Variants in MAST4 observed in about 807,000 individuals in gnomAD.
The protein encoded by MAST4 is microtubule-associated serine/threonine-protein kinase 4.
Under a neutral mutation model 162.7 loss-of-function variants are expected in MAST4, and 89 were observed. The observed-to-expected ratio is 0.55, with a 90% CI of 0.46 to 0.65. The LOEUF is 0.65. Among genes scored for constraint, MAST4 ranks in the 30% least tolerant of loss-of-function variants. The pLI, the probability that MAST4 is intolerant of heterozygous loss-of-function variation, is 0.00. For missense variants in MAST4, 3,153 were observed against 3,374.0 expected, an observed-to-expected ratio of 0.93 and a Z score of 1.62; for synonymous variants, 1,479 against 1,361.1, an observed-to-expected ratio of 1.09 and a Z score of -1.91.
intron 4 of MAST4, among the ~76,000 whole-genome samples, chr5:66,922,754 G>A (rs1384229227): frequency 6.6e-6 from 1 of 152,124 alleles, no homozygotes; most frequent in Non-Finnish European, 1.5e-5. Context: ...TATAATTGCA[G>A]TTGAATTCAG....
chr5:67,131,727 T>C lies in MAST4; in HGVS notation c.1955-86T>C, dbSNP rs1007069483. The C allele has an allele frequency of 4.3e-6, 6 of 1,386,554 alleles. No individual in the cohort carries two copies. The African/African-American group carries it at 5.7e-5, about 13-fold the overall frequency. The allele number at this position is 1,386,554 out of a possible 1,614,324, so 85.9% of individuals were successfully genotyped here. On this transcript the variant is annotated intron_variant, in intron 15 of 28. Coordinates refer to ENST00000403625, the MANE Select transcript of MAST4 (RefSeq NM_001164664.2). ...ATGCTGTGTCTATGGGTAGAGATGA[T>C]TTCACCTTGAAATTCTGCAGTCTAA...
chr5:66,634,419 G>A (rs763502883), intron 1 of MAST4, among the ~76,000 whole-genome samples: 9 of 152,088 alleles, frequency 5.9e-5, no homozygotes, highest in Admixed American at 3.9e-4. Flanking sequence ...TCTTCTTCAC[G>A]TTGTCCATGA....
rs1753763050 is a variant in MAST4 at position 66,759,986 on chromosome 5, A to G, written c.517+124A>G. On this transcript the variant is annotated intron_variant, in intron 2 of 28. Coordinates refer to ENST00000403625, the MANE Select transcript of MAST4 (RefSeq NM_001164664.2). ...GGCCTGCCTCTGCAGACCATTTCAT[A>G]AAAATCTTATCTAATCCAGAAAGCA... The G allele has an allele frequency of 6.2e-6, 6 of 964,958 alleles. No individual in the cohort carries two copies. In the South Asian group the frequency reaches 1.9e-4, roughly 31 times the overall value. The allele number at this position is 964,958 out of a possible 1,614,324, so 59.8% of individuals were successfully genotyped here.
chr5:66,998,144 T>G (rs1294560758), intron 4 of MAST4, among the ~76,000 whole-genome samples: 1 of 152,238 alleles, frequency 6.6e-6, no homozygotes, highest in Non-Finnish European at 1.5e-5. Context: ...GGTCTTAGTG[T>G]CAGCTACGAA....
At chr5:67,151,413 G>A (rs1771790832) in intron 24 of MAST4, among the ~76,000 whole-genome samples, 1 of 152,110 alleles carries the variant, frequency 6.6e-6, no homozygotes, top group African/African-American at 2.4e-5. Context: ...CATTTATGAG[G>A]GGCAGAGCCC....
intron 26 of MAST4, among the ~76,000 whole-genome samples, chr5:67,155,319 T>C (rs567130839): frequency 1.3e-5 from 2 of 152,340 alleles, no homozygotes; most frequent in African/African-American, 4.8e-5. Context: ...CCACTGGCTA[T>C]ATGAATCCCT....
intron 4 of MAST4, among the ~76,000 whole-genome samples, chr5:66,985,565 A>G (rs920321493): frequency 2.0e-5 from 3 of 152,148 alleles, no homozygotes; most frequent in African/African-American, 4.8e-5. Flanking sequence ...GTAGGCCTGG[A>G]ATGATTTTAT....
chr5:66,836,005 A>G (rs561953909), intron 3 of MAST4, among the ~76,000 whole-genome samples: 1 of 152,082 alleles, frequency 6.6e-6, no homozygotes, highest in Admixed American at 6.6e-5. Context: ...ACTTGTCTCT[A>G]TAAAAAAATA....
chr5:66,870,582 A>G (rs143544389), intron 3 of MAST4, among the ~76,000 whole-genome samples: 1 of 147,968 alleles, frequency 6.8e-6, no homozygotes, highest in East Asian at 2.1e-4. Flanking sequence ...GTTTATAATA[A>G]AATAACTTGC....
chr5:66,656,284 A>AATATAAT (rs1365535870), intron 1 of MAST4, among the ~76,000 whole-genome samples: 3 of 152,244 alleles, frequency 2.0e-5, no homozygotes, highest in Non-Finnish European at 4.4e-5. Context: ...GAAATAATAT[A>AATATAAT]AATGTTGTCT....
intron 1 of MAST4, among the ~76,000 whole-genome samples, chr5:66,610,055 A>G (rs747524439): frequency 6.6e-6 from 1 of 151,968 alleles, no homozygotes; most frequent in Non-Finnish European, 1.5e-5. Context: ...TTTTTGCCAA[A>G]GGGCAAAAAC....
At chr5:67,115,804 C>T in intron 12 of MAST4, among the ~76,000 whole-genome samples, 1 of 152,042 alleles carries the variant, frequency 6.6e-6, no homozygotes, top group East Asian at 1.9e-4. Context: ...CCACTGCTTA[C>T]AAATAATATG....
rs150801654 is a variant in MAST4 at position 67,127,533 on chromosome 5, C to T, written c.1746-2677C>T. On this transcript the variant is annotated intron_variant, in intron 14 of 28. Transcript: ENST00000403625. ...TTGGTTCTGTTTTGGTGATGGATTACGTTTATTGATTTGCATATGTTGAAC... is the reference window on the plus strand; with the variant it reads ...TTGGTTCTGTTTTGGTGATGGATTATGTTTATTGATTTGCATATGTTGAAC... 3.5e-3 allele frequency among the ~76,000 whole-genome samples: 531 copies of T among 152,168 alleles called. 6 individuals carry two copies. The highest frequency in any genetic ancestry group is 0.012 in the African/African-American group (503 of 41,522).
At chr5:66,915,568 T>C (rs1764059508) in intron 4 of MAST4, among the ~76,000 whole-genome samples, 1 of 152,264 alleles carries the variant, frequency 6.6e-6, no homozygotes, top group Admixed American at 6.5e-5. Context: ...CATGGCATTG[T>C]CCATAGATGA....
rs183526443 is a variant in MAST4 at position 67,151,211 on chromosome 5, T to C, written c.3296-1426T>C. 2.6e-5 allele frequency among the ~76,000 whole-genome samples: 4 copies of C among 152,322 alleles called. No homozygotes were observed. In the East Asian group the frequency reaches 5.8e-4, roughly 22 times the overall value. On this transcript the variant is annotated intron_variant, in intron 24 of 28. Transcript: ENST00000403625. ...TTTCTGCTGCTATAACAAAATACTT[T>C]AGACTGGGTAAGGTATAAATAACAG...
rs376616827 is a variant in MAST4, at chr5:67,164,677, G to A, written c.5498G>A (p.Gly1833Asp). ...PESAQSPSPS[G>D]DVRASVPPVL... ...TCTGCACAGAGCCCCAGCCCAAGTGGTGACGTGAGGGCCTCTGTGCCACCA... is the reference window on the plus strand; with the variant it reads ...TCTGCACAGAGCCCCAGCCCAAGTGATGACGTGAGGGCCTCTGTGCCACCA... The change falls in exon 29 of 29, where the codon GGT becomes GAT. Residue 1833 changes from glycine (G) to aspartate (D), a missense_variant. Transcript: ENST00000403625. The surrounding 1 kb of genome is among the most constrained non-coding windows in gnomAD (Gnocchi z 5.3). 130 of 1,613,890 alleles carry A rather than the reference G, an allele frequency of 8.1e-5. No homozygotes were observed. The African/African-American group carries it at 1.2e-3, about 15-fold the overall frequency.
At position 66,879,711 on chromosome 5, in the gene MAST4, C is replaced by T. The variant is rs75799485; in HGVS notation, c.643-20240C>T. The stretch of plus-strand genomic sequence containing the variant: ...TATTTTTTGTAGAGATGGGATTTCG[C>T]GATGACGCCCAGGCTGGTCTCAAAC... On this transcript the variant is annotated intron_variant, in intron 3 of 28. Transcript: ENST00000403625. 9.2e-5 allele frequency among the ~76,000 whole-genome samples: 14 copies of T among 152,296 alleles called. No homozygotes were observed. In the East Asian group the frequency reaches 1.4e-3, roughly 15 times the overall value.
chr5:66,883,425 T>G (rs879896118), intron 3 of MAST4, among the ~76,000 whole-genome samples: 3 of 5,846 alleles, frequency 5.1e-4, no homozygotes, highest in African/African-American at 9.5e-4. Context: ...TGTCACTGTT[T>G]TTTTTTTTTT....
chr5:66,803,473 C>G (rs181116292), intron 3 of MAST4, among the ~76,000 whole-genome samples: 1 of 151,538 alleles, frequency 6.6e-6, no homozygotes, highest in East Asian at 1.9e-4. Context: ...GGGAAATTGA[C>G]ATTTTTATTA....
Sources: gnomAD v4.1 joint callset for allele counts (sites outside exome capture counted in the v4.1 genomes callset) on GRCh38, gnomAD v4.1.1 for gene constraint, Gnocchi (gnomAD v3.1) non-coding constraint, MANE v1.5 for transcripts, NCBI Gene and HGNC (gene_info 2026-07-23, HGNC 2026-07-21) for gene names.